The following DSCAM variants were observed in gnomAD, a reference collection of about 807,000 sequenced individuals.
DSCAM encodes cell adhesion molecule DSCAM.
A neutral mutation model predicts 217.7 loss-of-function variants in DSCAM; 47 were observed. The observed-to-expected ratio is 0.22, with a 90% confidence interval of 0.17 to 0.28. The LOEUF is 0.28. DSCAM is among the 10% of genes least tolerant of loss of function. The pLI is 1.00. For synonymous variants in DSCAM, 1,056 were observed against 1,015.3 expected (o/e 1.04, Z -0.76); for missense variants, 2,080 against 2,618.3 (o/e 0.79, Z 4.49).
chr21:40,320,780 G>C (rs1381888690), intron 8 of DSCAM, among the ~76,000 whole-genome samples: 5 of 152,112 alleles, frequency 3.3e-5, no homozygotes, highest in Non-Finnish European at 7.4e-5. Flanking sequence ...ACAGTATGAG[G>C]AAACTGCCCC....
At chr21:40,337,179 G>C (rs183387120) in intron 8 of DSCAM, among the ~76,000 whole-genome samples, 20 of 152,252 alleles carry the variant, frequency 1.3e-4, no homozygotes, top group Admixed American at 5.9e-4. Context: ...GCTTGGGGAA[G>C]ACCACAGGAA....
intron 3 of DSCAM, among the ~76,000 whole-genome samples, chr21:40,428,701 G>C (rs773596339): frequency 4.6e-5 from 7 of 152,096 alleles, no homozygotes; most frequent in Non-Finnish European, 1.0e-4. Flanking sequence ...ATTCCCTCTA[G>C]AGCAAATATC....
chr21:40,509,126 TC>T (rs1486894008), intron 3 of DSCAM, among the ~76,000 whole-genome samples: 2 of 152,132 alleles, frequency 1.3e-5, no homozygotes, highest in African/African-American at 4.8e-5. Flanking sequence ...GGTTTTTTTC[TC>T]TAAAATTCTG....
At chr21:40,114,569 T>C (rs2089943534) in intron 20 of DSCAM, among the ~76,000 whole-genome samples, 1 of 152,048 alleles carries the variant, frequency 6.6e-6, no homozygotes, top group African/African-American at 2.4e-5. Context: ...AAATGGGATC[T>C]AATTAAACTA....
At chr21:40,705,001 A>C (rs758503791) in intron 2 of DSCAM, among the ~76,000 whole-genome samples, 3 of 152,200 alleles carry the variant, frequency 2.0e-5, no homozygotes, top group Non-Finnish European at 2.9e-5. Flanking sequence ...CAAAGATGGG[A>C]CTGGAAGAAC....
At chr21:40,663,893 C>T (rs2090170887) in intron 3 of DSCAM, among the ~76,000 whole-genome samples, 1 of 152,186 alleles carries the variant, frequency 6.6e-6, no homozygotes, top group South Asian at 2.1e-4. Context: ...CTGTTTGTCA[C>T]TTGCAATCAA....
chr21:40,453,435 T>A (rs2075738140), intron 3 of DSCAM, among the ~76,000 whole-genome samples: 1 of 152,192 alleles, frequency 6.6e-6, no homozygotes, highest in South Asian at 2.1e-4. Flanking sequence ...CAAATGACTT[T>A]ATGTCCTCAA....
chr21:40,536,574 AT>A, intron 3 of DSCAM, among the ~76,000 whole-genome samples: 1 of 151,306 alleles, frequency 6.6e-6, no homozygotes, highest in Admixed American at 6.6e-5. Flanking sequence ...GCTAATTTTT[AT>A]TTTTTTATTT....
chr21:40,303,948 G>C (rs1169668021), intron 9 of DSCAM, among the ~76,000 whole-genome samples: 1 of 152,170 alleles, frequency 6.6e-6, no homozygotes, highest in Non-Finnish European at 1.5e-5. Context: ...GTGCTTTCCT[G>C]TGAGTGGTCT....
chr21:40,020,364 CTTTTCCTTG>C (rs2088241501), intron 32 of DSCAM, among the ~76,000 whole-genome samples: 2 of 152,308 alleles, frequency 1.3e-5, no homozygotes, highest in South Asian at 4.1e-4. Context: ...TTCCTTCCTT[CTTTTCCTTG>C]TTTTGTTTCC....
At chr21:40,571,922 C>T (rs970184723) in intron 3 of DSCAM, among the ~76,000 whole-genome samples, 5 of 152,190 alleles carry the variant, frequency 3.3e-5, no homozygotes, top group African/African-American at 1.2e-4. Context: ...TCCAACATGG[C>T]ATTCCAAAGA....
At chr21:40,151,200 T>A (rs539714252) in intron 16 of DSCAM, among the ~76,000 whole-genome samples, 1 of 152,286 alleles carries the variant, frequency 6.6e-6, no homozygotes, top group Admixed American at 6.5e-5. Context: ...CTGTCTTACA[T>A]ATTCCCACCT....
chr21:40,172,411 T>C (rs893053759), intron 15 of DSCAM, among the ~76,000 whole-genome samples: 15 of 152,274 alleles, frequency 9.9e-5, no homozygotes, highest in South Asian at 2.1e-4. Flanking sequence ...CAATTCATTC[T>C]GTTTGGCTGA....
chr21:40,379,928 G>A (rs2075003376), intron 3 of DSCAM, among the ~76,000 whole-genome samples: 1 of 152,154 alleles, frequency 6.6e-6, no homozygotes, highest in Non-Finnish European at 1.5e-5. Flanking sequence ...CCCCAGCGTG[G>A]ATCTTGAGCC....
At chr21:40,339,451 T>C (rs999932459) in intron 6 of DSCAM, 36 bp from the exon 7 acceptor site, 1 of 1,533,722 alleles carries the variant, frequency 6.5e-7, no homozygotes, top group East Asian at 2.3e-5. Flanking sequence ...AAGTGGCACA[T>C]ACAAATAATT....
At chr21:40,762,175 G>C (rs954214370) in intron 1 of DSCAM, among the ~76,000 whole-genome samples, 1 of 151,964 alleles carries the variant, frequency 6.6e-6, no homozygotes, top group Non-Finnish European at 1.5e-5. Flanking sequence ...TCCAGGAGCT[G>C]GTTTTTTGAA....
chr21:40,434,299 T>C (rs1035966096), intron 3 of DSCAM, among the ~76,000 whole-genome samples: 8 of 152,240 alleles, frequency 5.3e-5, no homozygotes, highest in African/African-American at 1.7e-4. Flanking sequence ...CAGAGAGCAG[T>C]GTGCTCATGC....
intron 3 of DSCAM, among the ~76,000 whole-genome samples, chr21:40,523,440 A>G (rs8134188): frequency 0.073 from 11,126 of 152,190 alleles, 1,185 homozygotes; most frequent in African/African-American, 0.23. Flanking sequence ...GCACCGGCCT[A>G]AGAGCACACC....
At chr21:40,021,756 T>A (rs1363662296) in intron 32 of DSCAM, among the ~76,000 whole-genome samples, 2 of 152,182 alleles carry the variant, frequency 1.3e-5, no homozygotes, top group Non-Finnish European at 2.9e-5. Context: ...TCTAACCACT[T>A]TGCATACTAG....
Sources: gnomAD v4.1 joint callset for allele counts (sites outside exome capture counted in the v4.1 genomes callset) on GRCh38, gnomAD v4.1.1 for gene constraint, MANE v1.5 for transcripts, NCBI Gene and HGNC (gene_info 2026-07-23, HGNC 2026-07-21) for gene names.